CDYL: variants seen among roughly 807,000 people sequenced by gnomAD.
The protein encoded by CDYL is chromodomain Y like, also known as chromodomain Y-like protein.
CDYL carries 8 observed loss-of-function variants against 47.3 expected under a neutral mutation model. The ratio of observed to expected loss-of-function variants is 0.17; its 90% CI spans 0.10 to 0.31. The LOEUF (loss-of-function observed/expected upper bound fraction) is 0.31. CDYL is among the 10% of genes least tolerant of loss of function. The probability of loss-of-function intolerance (pLI) is 1.00; values close to 1 mark genes in which losing one functional copy is unlikely to be tolerated. For synonymous variants in CDYL, 266 were observed against 265.0 expected (o/e 1.00, Z -0.04); for missense variants, 471 against 701.4 (o/e 0.67, Z 3.71).
chr6:4,951,263 T>TTG (rs1371918484), intron 5 of CDYL, among the ~76,000 whole-genome samples: 1 of 152,042 alleles, frequency 6.6e-6, no homozygotes, highest in Non-Finnish European at 1.5e-5. Flanking sequence ...GACATCAGAG[T>TTG]TGTTAGGAAG....
chr6:4,885,286 G>T (rs544284803), intron 1 of CDYL, among the ~76,000 whole-genome samples: 1 of 152,272 alleles, frequency 6.6e-6, no homozygotes, highest in South Asian at 2.1e-4. Context: ...GAGCTACTGT[G>T]CCCAGCCAAT....
At chr6:4,786,556 A>G (rs1165015910) in intron 1 of CDYL, among the ~76,000 whole-genome samples, 2 of 152,248 alleles carry the variant, frequency 1.3e-5, no homozygotes. Flanking sequence ...TTTAACCAAT[A>G]AAGATTAAAA....
chr6:4,955,476 G>A lies in CDYL; in HGVS notation c.*1420G>A, dbSNP rs1232513427. 1 of 152,626 alleles carries A rather than the reference G, an allele frequency of 6.6e-6. No homozygotes were observed. The highest frequency in any genetic ancestry group is 1.5e-5 in the Non-Finnish European group (1 of 68,046). 9.5% of individuals were successfully genotyped at this position (152,626 alleles called of 1,614,324 possible). On this transcript the variant is annotated 3_prime_UTR_variant, in exon 7 of 7. Transcript: ENST00000397588. ...GAACTATATATAAACTGTACAATCT[G>A]TAAAGTTTTTATAGAATAAATATTC...
intron 3 of CDYL, among the ~76,000 whole-genome samples, chr6:4,762,968 C>T (rs1423526572): frequency 3.3e-5 from 5 of 151,960 alleles, no homozygotes; most frequent in African/African-American, 9.7e-5. Flanking sequence ...AATACACAAA[C>T]GAATACCTAA....
rs551588631 is a variant in CDYL, at chr6:4,711,855, C to T, written c.-38-3886C>T. On this transcript the variant is annotated intron_variant, in intron 1 of 8. Transcript: ENST00000328908. ...TGGGGTGGGCAGATCACTTGAGGCC[C>T]GGAGTTTGAAACCAGGCTGGCCAGC... 3.9e-5 allele frequency among the ~76,000 whole-genome samples: 6 copies of T among 152,092 alleles called. No homozygotes were observed. In the East Asian group the frequency reaches 9.7e-4, roughly 25 times the overall value.
At chr6:4,885,664 T>A (rs1761881529) in intron 1 of CDYL, among the ~76,000 whole-genome samples, 1 of 152,216 alleles carries the variant, frequency 6.6e-6, no homozygotes, top group Non-Finnish European at 1.5e-5. Context: ...CCTTCAAATT[T>A]CCTTTTGTCT....
At chr6:4,788,297 C>T (rs1417877120) in intron 1 of CDYL, among the ~76,000 whole-genome samples, 1 of 151,560 alleles carries the variant, frequency 6.6e-6, no homozygotes, top group Non-Finnish European at 1.5e-5. Flanking sequence ...CAAGACCAGC[C>T]TGGCCAATAT....
Position 4,943,526 on chromosome 6 carries a change from C to A in CDYL, c.1122-20C>A. 6.6e-7 allele frequency: 1 copy of A among 1,515,612 alleles called. No homozygotes were observed. The highest frequency in any genetic ancestry group is 9.1e-7 in the Non-Finnish European group (1 of 1,095,236). The allele number at this position is 1,515,612 out of a possible 1,614,324, so 93.9% of individuals were successfully genotyped here. A position where few individuals can be genotyped will look rare whatever the true frequency, so the allele number is the denominator to read the frequency against. On this transcript the variant is annotated intron_variant, in intron 4 of 6. Coordinates refer to ENST00000397588, the MANE Select transcript of CDYL (RefSeq NM_004824.4). ...AATATGCAATGTTTTGAGTAATTCCCCATTTATTTTTCATTTTAGAAACTT... is the reference window on the plus strand; with the variant it reads ...AATATGCAATGTTTTGAGTAATTCCACATTTATTTTTCATTTTAGAAACTT...
intron 3 of CDYL, among the ~76,000 whole-genome samples, chr6:4,738,191 C>T (rs975373848): frequency 5.3e-5 from 8 of 152,132 alleles, no homozygotes; most frequent in African/African-American, 1.9e-4. Context: ...GCCTGGCCAA[C>T]ATGGTGAAAC....
intron 1 of CDYL, among the ~76,000 whole-genome samples, chr6:4,712,541 G>A (rs566734635): frequency 3.1e-4 from 47 of 152,308 alleles, no homozygotes; most frequent in Admixed American, 2.3e-3. Context: ...CCTCCCACCC[G>A]GGCACAAGCC....
chr6:4,884,850 C>T (rs1339813655), intron 1 of CDYL, among the ~76,000 whole-genome samples: 2 of 152,166 alleles, frequency 1.3e-5, no homozygotes, highest in Non-Finnish European at 1.5e-5. Flanking sequence ...ACAAGCAATG[C>T]TAATAGGCTG....
intron 2 of CDYL, among the ~76,000 whole-genome samples, chr6:4,926,239 C>T (rs1392378554): frequency 6.6e-6 from 1 of 152,104 alleles, no homozygotes; most frequent in African/African-American, 2.4e-5. Flanking sequence ...CATGGTTCTT[C>T]AAGAAAATTT....
chr6:4,842,617 G>A (rs1015804802), intron 1 of CDYL, among the ~76,000 whole-genome samples: 3 of 152,050 alleles, frequency 2.0e-5, no homozygotes, highest in Non-Finnish European at 4.4e-5. Flanking sequence ...CTCTTGCACG[G>A]AATGTCTGTT....
At position 4,939,333 on chromosome 6, in the gene CDYL, T is replaced by G. The variant is rs567837290; in HGVS notation, c.1121+1596T>G. ...GAGTCTGGGGTAGGCAGGGACGTCT[T>G]TCTTTGACTGACACCCAAGATGGCT... On this transcript the variant is annotated intron_variant, in intron 4 of 6. Coordinates refer to ENST00000397588, the MANE Select transcript of CDYL (RefSeq NM_004824.4). Among the ~76,000 whole-genome samples the G allele has an allele frequency of 4.6e-5, 7 of 152,196 alleles. No homozygotes were observed. The East Asian group carries it at 1.4e-3, about 29-fold the overall frequency.
chr6:4,897,521 T>C (rs1031783148), intron 2 of CDYL, among the ~76,000 whole-genome samples: 1 of 152,190 alleles, frequency 6.6e-6, no homozygotes, highest in Non-Finnish European at 1.5e-5. Flanking sequence ...CAGGGAAGTA[T>C]AAGAGGCACA....
chr6:4,775,907 G>A (rs1758426311), upstream of CDYL, among the ~76,000 whole-genome samples: 1 of 150,204 alleles, frequency 6.7e-6, no homozygotes, highest in South Asian at 2.1e-4. This position sits in a 1 kb window ranked among gnomAD's most constrained non-coding sequence, Gnocchi z 7.0. Context: ...TAGACGGCGC[G>A]GCCGCTGCCG....
intron 3 of CDYL, among the ~76,000 whole-genome samples, chr6:4,744,249 C>G (rs1582303735): frequency 6.6e-6 from 1 of 152,156 alleles, no homozygotes; most frequent in African/African-American, 2.4e-5. Context: ...TCCCAGCACT[C>G]TGGGAGGCTG....
chr6:4,766,232 G>A (rs1001043012), intron 3 of CDYL, among the ~76,000 whole-genome samples: 33 of 151,912 alleles, frequency 2.2e-4, no homozygotes, highest in African/African-American at 8.0e-4. Flanking sequence ...CTTTTGAGAT[G>A]GAGTTTCACT....
chr6:4,734,675 G>A lies in CDYL; in HGVS notation c.104-87G>A, dbSNP rs1335695708. 3 of 1,567,136 alleles carry A rather than the reference G, an allele frequency of 1.9e-6. No individual in the cohort carries two copies. The African/African-American group carries it at 4.1e-5, about 21-fold the overall frequency. On this transcript the variant is annotated intron_variant, in intron 2 of 8. Coordinates refer to the CDYL transcript ENST00000328908. ...GAAGGGGAGGGCACAGGGATGGGAA[G>A]TTGGGGGATGGGGATGGAGGGAAGA...
Sources: allele counts gnomAD v4.1 joint callset (sites outside exome capture counted in the v4.1 genomes callset), GRCh38; gene constraint gnomAD v4.1.1; non-coding constraint Gnocchi (gnomAD v3.1); transcripts MANE v1.5; gene names NCBI Gene and HGNC (gene_info 2026-07-23, HGNC 2026-07-21).